CLVS1: variants seen among roughly 807,000 people sequenced by gnomAD.
The protein encoded by CLVS1 is clavesin-1.
CLVS1 carries 10 observed loss-of-function variants against 33.1 expected under a neutral mutation model. The observed-to-expected ratio is 0.30, with a 90% CI of 0.19 to 0.51. The LOEUF is 0.51. CLVS1 is among the 20% of genes least tolerant of loss of function. The probability of loss-of-function intolerance (pLI) is 0.97; values close to 1 mark genes in which losing one functional copy is unlikely to be tolerated. For synonymous variants in CLVS1, 163 were observed against 166.1 expected (o/e 0.98, Z 0.14); for missense variants, 343 against 433.4 (o/e 0.79, Z 1.85).
At chr8:61,339,012 CTGTG>C (rs10608174) in intron 2 of CLVS1, among the ~76,000 whole-genome samples, 4 of 149,560 alleles carry the variant, frequency 2.7e-5, no homozygotes, top group South Asian at 2.1e-4. Flanking sequence ...GAGTGTGTGC[CTGTG>C]TGTGTGTGTG....
At chr8:61,463,051 C>T (rs1817422389) in intron 5 of CLVS1, among the ~76,000 whole-genome samples, 1 of 152,226 alleles carries the variant, frequency 6.6e-6, no homozygotes, top group Non-Finnish European at 1.5e-5. Context: ...CCTAGATCTT[C>T]TGGATAGCTT....
chr8:61,241,154 A>G (rs1039621232), intron 2 of CLVS1, among the ~76,000 whole-genome samples: 1 of 152,096 alleles, frequency 6.6e-6, no homozygotes, highest in Non-Finnish European at 1.5e-5. Flanking sequence ...AGGATTTACC[A>G]TATGCATTTT....
intron 2 of CLVS1, among the ~76,000 whole-genome samples, chr8:61,266,580 A>T (rs7838420): frequency 0.27 from 41,165 of 151,808 alleles, 8,056 homozygotes; most frequent in East Asian, 0.85. Context: ...ATCCTCTTTC[A>T]TCCTATTTCT....
At chr8:61,320,129 A>G (rs1397119563) in intron 2 of CLVS1, among the ~76,000 whole-genome samples, 1 of 152,156 alleles carries the variant, frequency 6.6e-6, no homozygotes, top group Non-Finnish European at 1.5e-5. Flanking sequence ...GACTTATCAG[A>G]TATTAACATT....
intron 3 of CLVS1, among the ~76,000 whole-genome samples, chr8:61,395,342 G>A (rs1814480995): frequency 6.6e-6 from 1 of 152,142 alleles, no homozygotes; most frequent in South Asian, 2.1e-4. Flanking sequence ...TGACCAAAGG[G>A]TACAAAGTTT....
chr8:61,251,574 A>T (rs1287729169), intron 2 of CLVS1, among the ~76,000 whole-genome samples: 1 of 152,186 alleles, frequency 6.6e-6, no homozygotes, highest in African/African-American at 2.4e-5. Context: ...GCTATTAATT[A>T]CTGCCTCAAT....
chr8:61,063,285 GAGAGAGAGAT>G lies in CLVS1; in HGVS notation c.-243+6065_-243+6074del, dbSNP rs751405734. On this transcript the variant is annotated intron_variant, in intron 1 of 2. Coordinates refer to the CLVS1 transcript ENST00000522621. The stretch of plus-strand genomic sequence containing the variant: ...CGAGAGAGAGAGAGAGAGAGAGAGA[GAGAGAGAGAT>G]AGAGAGAGAGAGAGAACAGTCATTT... Among the ~76,000 whole-genome samples, 1,008 of 118,092 alleles carry G rather than the reference GAGAGAGAGAT, an allele frequency of 8.5e-3. 29 individuals carry two copies. Among genetic ancestry groups the G allele is most frequent in the African/African-American group, 0.028 (643 of 22,728 alleles). The allele number at this position is 118,092 out of a possible 152,430, so 77.5% of individuals were successfully genotyped here.
intron 1 of CLVS1, among the ~76,000 whole-genome samples, chr8:61,129,141 AAG>A (rs1806037634): frequency 6.6e-6 from 1 of 152,230 alleles, no homozygotes; most frequent in Non-Finnish European, 1.5e-5. Context: ...CAGTCGCACA[AAG>A]AGATGGAATT....
intron 1 of CLVS1, among the ~76,000 whole-genome samples, chr8:61,091,850 G>A (rs1173385677): frequency 1.3e-5 from 2 of 152,176 alleles, no homozygotes; most frequent in African/African-American, 2.4e-5. Flanking sequence ...ATAAAATCCT[G>A]ATAGGAAAAT....
intron 4 of CLVS1, 48 bp from the exon 5 acceptor site, chr8:61,458,259 G>T (rs370414179): frequency 7.4e-7 from 1 of 1,354,374 alleles, no homozygotes; most frequent in Non-Finnish European, 1.0e-6. Context: ...ATCTTTGGTC[G>T]TATGTTTTGG....
At chr8:61,485,895 T>C (rs1318171739) in intron 5 of CLVS1, among the ~76,000 whole-genome samples, 1 of 151,478 alleles carries the variant, frequency 6.6e-6, no homozygotes, top group Non-Finnish European at 1.5e-5. Context: ...AATTAAACAA[T>C]GAGAACACTT....
intron 2 of CLVS1, among the ~76,000 whole-genome samples, chr8:61,173,707 A>C (rs1269704597): frequency 6.6e-6 from 1 of 152,172 alleles, no homozygotes; most frequent in Non-Finnish European, 1.5e-5. Context: ...GTCAAATGAA[A>C]CTCAGGTGAT....
chr8:61,250,358 T>G (rs1808911257), intron 2 of CLVS1, among the ~76,000 whole-genome samples: 1 of 152,238 alleles, frequency 6.6e-6, no homozygotes, highest in South Asian at 2.1e-4. Context: ...GCATGATGCC[T>G]TCAGCTTTGT....
intron 2 of CLVS1, among the ~76,000 whole-genome samples, chr8:61,132,272 G>T (rs1029635670): frequency 6.6e-6 from 1 of 152,240 alleles, no homozygotes; most frequent in South Asian, 2.1e-4. Flanking sequence ...AGGCTGAGCC[G>T]GGATCAGCTG....
At chr8:61,120,225 A>C (rs1286740889) in intron 1 of CLVS1, among the ~76,000 whole-genome samples, 3 of 144,288 alleles carry the variant, frequency 2.1e-5, no homozygotes, top group African/African-American at 7.9e-5. Flanking sequence ...CAGCTCCATC[A>C]GCTCCTTTAA....
intron 2 of CLVS1, among the ~76,000 whole-genome samples, chr8:61,156,008 G>A (rs752232488): frequency 7.9e-5 from 12 of 152,164 alleles, no homozygotes; most frequent in Admixed American, 7.2e-4. Flanking sequence ...AGGTTCAGGA[G>A]TTTGAGACCA....
At chr8:61,086,842 T>C (rs147622991) in intron 1 of CLVS1, among the ~76,000 whole-genome samples, 34 of 152,312 alleles carry the variant, frequency 2.2e-4, no homozygotes, top group African/African-American at 7.5e-4. Context: ...CAAGTTGTAT[T>C]CGTGTGGTGC....
At chr8:61,012,909 G>A in the CLVS1 span, among the ~76,000 whole-genome samples, 1 of 152,186 alleles carries the variant, frequency 6.6e-6, no homozygotes, top group African/African-American at 2.4e-5. Context: ...GCAGACTGCT[G>A]TGCTCATCGT....
Position 61,299,717 on chromosome 8 carries a change from C to G in CLVS1, c.-111C>G. Reference sequence around the variant, plus strand: ...GTTTTGCTTCTGTTTTGGATGAACACCACCACATAGGGCCTGAATGTGAAA... The same window carrying G: ...GTTTTGCTTCTGTTTTGGATGAACAGCACCACATAGGGCCTGAATGTGAAA... On this transcript the variant is annotated 5_prime_UTR_variant, in exon 2 of 6. Coordinates refer to ENST00000325897, the MANE Select transcript of CLVS1 (RefSeq NM_173519.3). The G allele has an allele frequency of 1.3e-6, 1 of 746,274 alleles. No homozygotes were observed. Among genetic ancestry groups the G allele is most frequent in the Non-Finnish European group, 2.2e-6 (1 of 461,436 alleles). The allele number at this position is 746,274 out of a possible 1,614,324, so 46.2% of individuals were successfully genotyped here.
Sources: gnomAD v4.1 joint callset for allele counts (sites outside exome capture counted in the v4.1 genomes callset) on GRCh38, gnomAD v4.1.1 for gene constraint, MANE v1.5 for transcripts, NCBI Gene and HGNC (gene_info 2026-07-23, HGNC 2026-07-21) for gene names.